The following NUP210L variants were observed in gnomAD, a reference collection of about 807,000 sequenced individuals.
The protein encoded by NUP210L is nucleoporin 210 like.
In NUP210L, 74 loss-of-function variants were observed where a neutral mutation model predicts 208.5. The ratio of observed to expected loss-of-function variants is 0.35; its 90% CI spans 0.29 to 0.43. NUP210L has a LOEUF of 0.43. Among genes scored for constraint, NUP210L ranks in the 20% least tolerant of loss-of-function variants. The pLI is 1.00. For missense variants in NUP210L, 1,843 were observed against 2,289.4 expected (o/e 0.81, Z 3.98); for synonymous variants, 780 against 816.9 (o/e 0.95, Z 0.77).
chr1:154,056,986 TG>T, intron 22 of NUP210L, 39 bp from the exon 23 acceptor site: 1 of 1,601,996 alleles, frequency 6.2e-7, no homozygotes, highest in Non-Finnish European at 8.5e-7. Flanking sequence ...GAAAGATTTT[TG>T]TTTTGTTTCA....
chr1:154,002,225 T>A (rs544327784), intron 35 of NUP210L, among the ~76,000 whole-genome samples: 5 of 152,096 alleles, frequency 3.3e-5, no homozygotes, highest in African/African-American at 9.6e-5. Context: ...CCATTCTTTC[T>A]TTTTTTTGGA....
intron 33 of NUP210L, among the ~76,000 whole-genome samples, chr1:154,016,426 C>T (rs1284042033): frequency 1.3e-5 from 2 of 151,978 alleles, no homozygotes; most frequent in South Asian, 2.1e-4. Flanking sequence ...TTAAAAAAAT[C>T]CCTTTATTGT....
intron 17 of NUP210L, among the ~76,000 whole-genome samples, chr1:154,065,914 A>G (rs1398843066): frequency 2.7e-5 from 4 of 150,934 alleles, no homozygotes; most frequent in East Asian, 3.9e-4. Flanking sequence ...AAAAAAAAAA[A>G]AAAAGAAAGA....
intron 16 of NUP210L, among the ~76,000 whole-genome samples, chr1:154,075,274 TG>T (rs1314725724): frequency 1.3e-5 from 2 of 152,160 alleles, no homozygotes; most frequent in Non-Finnish European, 2.9e-5. Context: ...TTTTAAAACA[TG>T]TCTCTAAGCT....
In NUP210L at chr1:154,095,132, A is replaced by G. The variant is rs759630626; in HGVS notation, c.1990T>C (p.Leu664=). 3 of 1,613,724 alleles carry G rather than the reference A, an allele frequency of 1.9e-6. No individual in the cohort carries two copies. In the Admixed American group the frequency reaches 5.0e-5, roughly 27 times the overall value. The stretch of plus-strand genomic sequence containing the variant: ...TCCTTCACAGACTGCCATGTCACCA[A>G]TGCCACTTCCACAGGATTTAAAGCC... Residue 664 remains leucine, a synonymous_variant, in exon 15 of 40, where the codon TTG becomes CTG. Coordinates refer to ENST00000368559, the Ensembl canonical transcript of NUP210L.
intron 28 of NUP210L, 26 bp downstream of exon 28, chr1:154,029,870 A>T (rs952618366): frequency 2.2e-5 from 34 of 1,578,612 alleles, no homozygotes; most frequent in Non-Finnish European, 2.8e-5. Context: ...AATATACGAA[A>T]ATAAGATTTA....
At chr1:154,007,810 G>A (rs1318042851) in intron 35 of NUP210L, among the ~76,000 whole-genome samples, 3 of 151,394 alleles carry the variant, frequency 2.0e-5, no homozygotes, top group Non-Finnish European at 4.4e-5. Context: ...TCCTGACCTC[G>A]TGATCCGCCT....
chr1:154,008,095 C>G lies in NUP210L; in HGVS notation c.4930+1877G>C, dbSNP rs1036070937. 2.6e-5 allele frequency among the ~76,000 whole-genome samples: 4 copies of G among 151,044 alleles called. No homozygotes were observed. The South Asian group carries it at 8.5e-4, about 32-fold the overall frequency. The stretch of plus-strand genomic sequence containing the variant: ...CCATGTCGGCCAGGCTGGTCTCAAA[C>G]TCCTGACCTCAAGTGATTTGTCCGC... On this transcript the variant is annotated intron_variant, in intron 35 of 39. Transcript: ENST00000368559.
At chr1:154,067,348 G>C (rs1381570514) in intron 17 of NUP210L, among the ~76,000 whole-genome samples, 1 of 152,068 alleles carries the variant, frequency 6.6e-6, no homozygotes, top group Non-Finnish European at 1.5e-5. Context: ...AAAACCACAT[G>C]ATTATCTCAA....
intron 13 of NUP210L, among the ~76,000 whole-genome samples, chr1:154,100,944 G>A (rs1229677284): frequency 2.0e-5 from 3 of 151,720 alleles, no homozygotes; most frequent in South Asian, 4.2e-4. Context: ...AGGCCGAGGC[G>A]GGTGGATCAC....
chr1:154,072,474 A>C (rs1266133006), intron 16 of NUP210L, among the ~76,000 whole-genome samples: 2 of 151,718 alleles, frequency 1.3e-5, no homozygotes, highest in Admixed American at 1.3e-4. Flanking sequence ...CTGGGACTAC[A>C]GGCGTCTGCC....
At chr1:154,071,442 C>G (rs778032527) in intron 16 of NUP210L, among the ~76,000 whole-genome samples, 2 of 150,164 alleles carry the variant, frequency 1.3e-5, no homozygotes, top group South Asian at 2.1e-4. Context: ...TCTCTTACCC[C>G]CCTCCACCTT....
intron 12 of NUP210L, among the ~76,000 whole-genome samples, chr1:154,108,131 G>A (rs1465114114): frequency 1.3e-5 from 2 of 151,930 alleles, no homozygotes; most frequent in Non-Finnish European, 2.9e-5. Flanking sequence ...AAAAAGCAGG[G>A]GAATGAAATT....
intron 27 of NUP210L, among the ~76,000 whole-genome samples, chr1:154,037,826 A>G (rs112142977): frequency 7.6e-4 from 115 of 152,132 alleles, no homozygotes; most frequent in African/African-American, 2.2e-3. Flanking sequence ...CCATGTTGGC[A>G]AGGCTTGTCT....
At chr1:153,993,234 A>G in intron 38 of NUP210L, 145 bp from the exon 39 acceptor site, 2 of 590,770 alleles carry the variant, frequency 3.4e-6, no homozygotes, top group East Asian at 6.1e-5. Context: ...TTTTATCCCA[A>G]TTTAACCCAT....
chr1:154,073,001 A>G (rs2148016503), intron 16 of NUP210L, among the ~76,000 whole-genome samples: 1 of 152,336 alleles, frequency 6.6e-6, no homozygotes, highest in Admixed American at 6.5e-5. Context: ...AGAGTGGGAG[A>G]AAATCTTCAC....
At chr1:154,109,551 A>AT (rs71096511) in intron 12 of NUP210L, among the ~76,000 whole-genome samples, 150,255 of 151,560 alleles carry the variant, frequency 0.99, 74,548 homozygotes, top group East Asian at 1. Context: ...GATCTAATAG[A>AT]ATTTACAGAA....
intron 32 of NUP210L, among the ~76,000 whole-genome samples, chr1:154,020,402 G>C (rs1449940526): frequency 1.3e-5 from 2 of 152,166 alleles, no homozygotes; most frequent in African/African-American, 4.8e-5. Context: ...CCAGGCTGGA[G>C]TGCAGTAGTG....
chr1:154,035,742 C>A (rs1455983179), intron 27 of NUP210L, among the ~76,000 whole-genome samples: 5 of 148,180 alleles, frequency 3.4e-5, no homozygotes, highest in African/African-American at 1.2e-4. Flanking sequence ...TTTCTTTTTT[C>A]TTTTTTGGGG....
Sources: gnomAD v4.1 joint callset for allele counts (sites outside exome capture counted in the v4.1 genomes callset) on GRCh38, gnomAD v4.1.1 for gene constraint, MANE v1.5 for transcripts, NCBI Gene and HGNC (gene_info 2026-07-23, HGNC 2026-07-21) for gene names.